Variants in RTN1 observed in about 807,000 individuals in gnomAD.
RTN1 encodes the protein reticulon-1.
Under a neutral mutation model 65.5 loss-of-function variants are expected in RTN1, and 25 were observed. The ratio of observed to expected loss-of-function variants is 0.38; its 90% CI spans 0.28 to 0.53. RTN1 has a LOEUF of 0.53. Among genes scored for constraint, RTN1 ranks in the 20% least tolerant of loss-of-function variants. The pLI is 0.79. For synonymous variants in RTN1, 471 were observed against 447.6 expected (o/e 1.05, Z -0.66); for missense variants, 983 against 1,025.4 (o/e 0.96, Z 0.57).
chr14:59,743,493 G>A (rs1472758185), intron 2 of RTN1, among the ~76,000 whole-genome samples: 2 of 152,112 alleles, frequency 1.3e-5, no homozygotes, highest in African/African-American at 4.8e-5. Context: ...TAATAAAAGA[G>A]TTTTACTATG....
chr14:59,848,411 A>T (rs553939180), intron 1 of RTN1, among the ~76,000 whole-genome samples: 1 of 152,386 alleles, frequency 6.6e-6, no homozygotes, highest in African/African-American at 2.4e-5. Context: ...TTCCTTTATC[A>T]TCAGATAGTT....
rs139555665 is a variant in RTN1, at chr14:59,598,501, C to G, written c.2289-1714G>C. ...GTTGAAGAGGTCTGGGCTGGAGACACAAGTTTGCAGCCCTAGACATGAGAT... is the reference window on the plus strand; with the variant it reads ...GTTGAAGAGGTCTGGGCTGGAGACAGAAGTTTGCAGCCCTAGACATGAGAT... On this transcript the variant is annotated intron_variant, in intron 8 of 8. Transcript: ENST00000267484. Among the ~76,000 whole-genome samples, 574 of 152,202 alleles carry G rather than the reference C, an allele frequency of 3.8e-3. 1 individual carries two copies. Among genetic ancestry groups the G allele is most frequent in the Middle Eastern group, 0.01 (3 of 294 alleles).
chr14:59,741,928 C>T (rs1333009182), intron 2 of RTN1, among the ~76,000 whole-genome samples: 1 of 152,224 alleles, frequency 6.6e-6, no homozygotes, highest in East Asian at 1.9e-4. Flanking sequence ...CTCTATCACT[C>T]TTTCTAGTGC....
chr14:59,686,518 C>T (rs946780404), intron 3 of RTN1, among the ~76,000 whole-genome samples: 40 of 152,166 alleles, frequency 2.6e-4, no homozygotes, highest in African/African-American at 9.4e-4. Flanking sequence ...CAAGATACTG[C>T]ATTAAGACAG....
intron 1 of RTN1, among the ~76,000 whole-genome samples, chr14:59,770,605 C>T (rs754777694): frequency 2.6e-5 from 4 of 151,820 alleles, no homozygotes; most frequent in Admixed American, 6.6e-5. Context: ...TATGTGTATA[C>T]GTATTTTTGC....
chr14:59,665,236 G>A (rs549507940), intron 3 of RTN1, among the ~76,000 whole-genome samples: 32 of 152,234 alleles, frequency 2.1e-4, no homozygotes, highest in Admixed American at 3.9e-4. Flanking sequence ...GACTAACAGC[G>A]GATCTCTCGG....
chr14:59,783,940 G>A (rs1049220102), intron 1 of RTN1, among the ~76,000 whole-genome samples: 1 of 150,712 alleles, frequency 6.6e-6, no homozygotes, highest in African/African-American at 2.4e-5. Flanking sequence ...GGTAACTGGT[G>A]GTTTAAATGC....
chr14:59,838,655 G>A (rs1444607959), intron 1 of RTN1, among the ~76,000 whole-genome samples: 3 of 152,002 alleles, frequency 2.0e-5, no homozygotes, highest in South Asian at 2.1e-4. Context: ...TGGCACACAC[G>A]TATATATGTC....
At chr14:59,603,774 C>T (rs1881654004) in intron 6 of RTN1, 78 bp downstream of exon 6, 12 of 1,162,772 alleles carry the variant, frequency 1.0e-5, no homozygotes, top group Non-Finnish European at 1.4e-5. Flanking sequence ...TTTAAACAAA[C>T]AAAAAGCTTA....
At chr14:59,606,320 T>C (rs763339521) in intron 4 of RTN1, among the ~76,000 whole-genome samples, 7 of 151,658 alleles carry the variant, frequency 4.6e-5, no homozygotes, top group Non-Finnish European at 8.8e-5. Context: ...TTGGCTTGAG[T>C]TTTCAGGAGT....
intron 3 of RTN1, among the ~76,000 whole-genome samples, chr14:59,640,473 C>T (rs1464711196): frequency 2.0e-5 from 3 of 152,082 alleles, no homozygotes; most frequent in Admixed American, 6.5e-5. Flanking sequence ...TGCACTACCA[C>T]GCACAGCTGA....
intron 1 of RTN1, among the ~76,000 whole-genome samples, chr14:59,842,797 A>G (rs1463203511): frequency 2.0e-5 from 3 of 152,222 alleles, no homozygotes; most frequent in African/African-American, 7.2e-5. Flanking sequence ...TTGAGATTCC[A>G]CTACACATCC....
intron 1 of RTN1, among the ~76,000 whole-genome samples, chr14:59,811,858 T>G (rs1414010787): frequency 6.6e-6 from 1 of 152,172 alleles, no homozygotes; most frequent in African/African-American, 2.4e-5. Flanking sequence ...ACTGCACACA[T>G]AAGCATTAAC....
Position 59,727,035 on chromosome 14 carries a change from A to G in RTN1, c.1649T>C (p.Leu550Ser). Residue 550 changes from leucine to serine, a missense_variant, in exon 3 of 9, where the codon TTG becomes TCG. Leu to Ser is a moderately radical substitution (Grantham distance 145). This residue lies in a region of RTN1 where 818 missense variants were observed against 801.8 expected (regional missense o/e 1.02). Coordinates refer to ENST00000267484, the MANE Select transcript of RTN1 (RefSeq NM_021136.3). The surrounding 1 kb of genome is among the most constrained non-coding windows in gnomAD (Gnocchi z 4.2). ...CGAGTCTTCTTCAGGCTTCCGTGGC[A>G]ACATGGGCGTCTCAGGCTCCAGGGC... ...DGALEPETPMLPRKPEEDSSS... is the reference protein window; with the variant it reads ...DGALEPETPMSPRKPEEDSSS... 6.2e-7 allele frequency: 1 copy of G among 1,613,500 alleles called. No individual in the cohort carries two copies. The highest frequency in any genetic ancestry group is 8.5e-7 in the Non-Finnish European group (1 of 1,179,782).
chr14:59,596,919 T>C (rs981667767), intron 8 of RTN1, 132 bp from the exon 9 acceptor site: 31 of 647,708 alleles, frequency 4.8e-5, no homozygotes, highest in Non-Finnish European at 7.2e-5. Context: ...TTTATGTAAG[T>C]ACATCTGCAA....
At position 59,766,565 on chromosome 14, in the gene RTN1, T is replaced by C. The variant is rs1885854645; in HGVS notation, c.242-20084A>G. Among the ~76,000 whole-genome samples, 2 of 152,338 alleles carry C rather than the reference T, an allele frequency of 1.3e-5. No homozygotes were observed. Among genetic ancestry groups the C allele is most frequent in the Non-Finnish European group, 2.9e-5 (2 of 68,032 alleles). On this transcript the variant is annotated intron_variant, in intron 1 of 8. Coordinates refer to ENST00000267484, the MANE Select transcript of RTN1 (RefSeq NM_021136.3). The surrounding 1 kb of genome is among the most constrained non-coding windows in gnomAD (Gnocchi z 4.4). Reference sequence around the variant, plus strand: ...TCCTAGCTTCTGGTTGTTTATCAGATGACCCCATGATAAGGTTTAAGAGTA... The same window carrying C: ...TCCTAGCTTCTGGTTGTTTATCAGACGACCCCATGATAAGGTTTAAGAGTA...
intron 3 of RTN1, among the ~76,000 whole-genome samples, chr14:59,673,690 G>A (rs756320883): frequency 6.6e-6 from 1 of 152,100 alleles, no homozygotes; most frequent in South Asian, 2.1e-4. Context: ...CATCCAGAAG[G>A]AACCAACAGA....
chr14:59,698,829 G>A (rs900666739), intron 3 of RTN1, among the ~76,000 whole-genome samples: 4 of 152,168 alleles, frequency 2.6e-5, no homozygotes, highest in Non-Finnish European at 4.4e-5. Flanking sequence ...CTATCTTCCT[G>A]TAAGCACTAG....
chr14:59,671,642 C>G (rs1047855823), intron 3 of RTN1, among the ~76,000 whole-genome samples: 1 of 152,216 alleles, frequency 6.6e-6, no homozygotes, highest in Non-Finnish European at 1.5e-5. Context: ...CCAGGTTTGC[C>G]TGGCTTCAGA....
Sources: gnomAD v4.1 joint callset for allele counts (sites outside exome capture counted in the v4.1 genomes callset) on GRCh38, gnomAD v4.1.1 for gene constraint, gnomAD v4.1.1 regional missense constraint, Gnocchi (gnomAD v3.1) non-coding constraint, MANE v1.5 for transcripts, NCBI Gene and HGNC (gene_info 2026-07-23, HGNC 2026-07-21) for gene names.